Variants in GFOD2 observed in about 807,000 individuals in gnomAD.
GFOD2 encodes glucose-fructose oxidoreductase domain-containing protein 2.
In GFOD2, 9 loss-of-function variants were observed where a neutral mutation model predicts 24.6. The ratio of observed to expected loss-of-function variants is 0.37; its 90% CI spans 0.22 to 0.64. The LOEUF is 0.64. GFOD2 is among the 30% of genes least tolerant of loss of function. The pLI, the probability that GFOD2 is intolerant of heterozygous loss-of-function variation, is 0.65. For synonymous variants in GFOD2, 211 were observed against 224.8 expected, an observed-to-expected ratio of 0.94 and a Z score of 0.55; for missense variants, 476 against 532.5, an observed-to-expected ratio of 0.89 and a Z score of 1.04.
chr16:67,686,619 AAGG>A (rs2053268872), intron 1 of GFOD2, among the ~76,000 whole-genome samples: 1 of 151,068 alleles, frequency 6.6e-6, no homozygotes, highest in Admixed American at 6.6e-5. Context: ...CACCTGAGGT[AAGG>A]AGTTCAAAAC....
intron 1 of GFOD2, among the ~76,000 whole-genome samples, chr16:67,709,518 T>C (rs2053459036): frequency 6.6e-6 from 1 of 151,964 alleles, no homozygotes; most frequent in African/African-American, 2.4e-5. Context: ...GGAGGAGAGA[T>C]AAGATAATCA....
intron 2 of GFOD2, chr16:67,684,601 C>T: frequency 8.3e-6 from 2 of 241,806 alleles, no homozygotes; most frequent in Non-Finnish European, 1.3e-5. Flanking sequence ...GAGGCTGAGG[C>T]AGGAGAATCA....
intron 1 of GFOD2, among the ~76,000 whole-genome samples, chr16:67,701,925 C>G (rs764605147): frequency 6.6e-6 from 1 of 152,006 alleles, no homozygotes. Context: ...ATTGTTTTTT[C>G]CCAGACTGCC....
Position 67,714,262 on chromosome 16 carries a change from T to TGAGGCCAGGAGTTC in GFOD2, c.-88+4887_-88+4900dup. On this transcript the variant is annotated intron_variant, in intron 1 of 2. Coordinates refer to ENST00000268797, the MANE Select transcript of GFOD2 (RefSeq NM_030819.4). ...TGGGAGGCTGAGGTGAGCCGATCACTGAGGCCAGGAGTTCAAGACCAGCCT... is the reference window on the plus strand; with the variant it reads ...TGGGAGGCTGAGGTGAGCCGATCACTGAGGCCAGGAGTTCGAGGCCAGGAGTTCAAGACCAGCCT... 2.0e-5 allele frequency among the ~76,000 whole-genome samples: 3 copies of TGAGGCCAGGAGTTC among 148,668 alleles called. 1 individual carries two copies. The highest frequency in any genetic ancestry group is 2.0e-4 in the Admixed American group (3 of 15,098).
At chr16:67,686,044 G>A (rs914348075) in intron 1 of GFOD2, among the ~76,000 whole-genome samples, 7 of 152,122 alleles carry the variant, frequency 4.6e-5, no homozygotes, top group African/African-American at 1.4e-4. Flanking sequence ...AGGCCGAGGT[G>A]GGAAGATCAC....
chr16:67,696,077 G>A (rs917602204), intron 1 of GFOD2, among the ~76,000 whole-genome samples: 1 of 150,782 alleles, frequency 6.6e-6, no homozygotes, highest in Non-Finnish European at 1.5e-5. Context: ...GCAATGGCAC[G>A]ATCTCGGCTC....
rs754353968 is a variant in GFOD2, at chr16:67,675,147, G to T, written c.*8C>A. On this transcript the variant is annotated 3_prime_UTR_variant, in exon 3 of 3. Coordinates refer to ENST00000268797, the MANE Select transcript of GFOD2 (RefSeq NM_030819.4). ...CTCTGCCCTGTGGCAAGGAGCCCAG[G>T]TGCAGGCTCATAGGTTGTTCCGCTG... 6 of 1,603,128 alleles carry T rather than the reference G, an allele frequency of 3.7e-6. No individual in the cohort carries two copies. In the Admixed American group the frequency reaches 5.0e-5, roughly 13 times the overall value.
In GFOD2 at chr16:67,685,764, T is replaced by C; in HGVS notation, c.-49A>G. 4 of 1,574,766 alleles carry C rather than the reference T, an allele frequency of 2.5e-6. No individual in the cohort carries two copies. Among genetic ancestry groups the C allele is most frequent in the Non-Finnish European group, 3.4e-6 (4 of 1,162,890 alleles). ...CATCTCCTCACAAGAGCCTCTGGCATGGATATGATCTTCCAAACGTCCTGG... is the reference window on the plus strand; with the variant it reads ...CATCTCCTCACAAGAGCCTCTGGCACGGATATGATCTTCCAAACGTCCTGG... On this transcript the variant is annotated 5_prime_UTR_variant, in exon 2 of 3. An upstream start codon of the reference 5' UTR is lost. Transcript: ENST00000268797.
intron 1 of GFOD2, among the ~76,000 whole-genome samples, chr16:67,715,595 T>C (rs2142998078): frequency 6.6e-6 from 1 of 152,340 alleles, no homozygotes; most frequent in Admixed American, 6.5e-5. Context: ...TTAAAACACC[T>C]GCCATTTAAA....
chr16:67,680,763 A>G, intron 2 of GFOD2: 3 of 960,766 alleles, frequency 3.1e-6, no homozygotes, highest in Non-Finnish European at 3.7e-6. Flanking sequence ...TATTTTTTTA[A>G]TACATATTTT....
intron 2 of GFOD2, chr16:67,681,328 T>C (rs987006330): frequency 2.0e-6 from 2 of 985,206 alleles, no homozygotes; most frequent in Non-Finnish European, 2.4e-6. Flanking sequence ...TGCTAGGAGT[T>C]TGGTGGTGAT....
chr16:67,691,048 G>C (rs1029143920), intron 1 of GFOD2, among the ~76,000 whole-genome samples: 3 of 152,092 alleles, frequency 2.0e-5, no homozygotes, highest in African/African-American at 7.2e-5. Flanking sequence ...TTTTTTAGTA[G>C]AGATGGGGTT....
chr16:67,712,817 G>A (rs1300861775), intron 1 of GFOD2, among the ~76,000 whole-genome samples: 2 of 101,260 alleles, frequency 2.0e-5, no homozygotes, highest in Non-Finnish European at 3.5e-5. Context: ...CTGCCCGGCC[G>A]CCATCCCATC....
rs564088646 is a variant in GFOD2 at position 67,701,748 on chromosome 16, T to G, written c.-87-15946A>C. Among the ~76,000 whole-genome samples, 108 of 151,506 alleles carry G rather than the reference T, an allele frequency of 7.1e-4. 1 individual carries two copies. Among genetic ancestry groups the G allele is most frequent in the South Asian group, 4.4e-3 (21 of 4,806 alleles). On this transcript the variant is annotated intron_variant, in intron 1 of 2. Coordinates refer to ENST00000268797, the MANE Select transcript of GFOD2 (RefSeq NM_030819.4). ...AGAAAAAGGATAAACTTCACTGTTC[T>G]GTAAATTATACTTCAATCAATGTGA...
intron 1 of GFOD2, among the ~76,000 whole-genome samples, chr16:67,715,080 C>A (rs1391274520): frequency 1.3e-5 from 2 of 151,226 alleles, no homozygotes; most frequent in African/African-American, 4.9e-5. Flanking sequence ...TTTTTTGAGA[C>A]GTACTTTCGC....
At chr16:67,716,237 G>A (rs2053505554) in intron 1 of GFOD2, among the ~76,000 whole-genome samples, 1 of 152,124 alleles carries the variant, frequency 6.6e-6, no homozygotes, top group Non-Finnish European at 1.5e-5. Flanking sequence ...TAGCATTGCT[G>A]GTTTATCTGG....
chr16:67,709,077 T>A (rs1427966838), intron 1 of GFOD2, among the ~76,000 whole-genome samples: 1 of 151,990 alleles, frequency 6.6e-6, no homozygotes. Context: ...CCGAGGCAAG[T>A]GGATCACTTG....
At chr16:67,699,345 AAAAAC>A (rs1015364773) in intron 1 of GFOD2, among the ~76,000 whole-genome samples, 7 of 152,112 alleles carry the variant, frequency 4.6e-5, no homozygotes, top group African/African-American at 1.7e-4. Flanking sequence ...TTCATCTCTA[AAAAAC>A]AAAACAAAAC....
At chr16:67,710,772 T>C (rs1226890933) in intron 1 of GFOD2, among the ~76,000 whole-genome samples, 1 of 152,138 alleles carries the variant, frequency 6.6e-6, no homozygotes, top group Non-Finnish European at 1.5e-5. Flanking sequence ...ACACTGACAT[T>C]GTGAGTCATT....
Sources: allele counts gnomAD v4.1 joint callset (sites outside exome capture counted in the v4.1 genomes callset), GRCh38; gene constraint gnomAD v4.1.1; transcripts MANE v1.5; gene names NCBI Gene and HGNC (gene_info 2026-07-23, HGNC 2026-07-21).